The following MCF2L variants were observed in gnomAD, a reference collection of about 807,000 sequenced individuals.
MCF2L encodes guanine nucleotide exchange factor DBS.
In MCF2L, 97 loss-of-function variants were observed where a neutral mutation model predicts 153.4. The observed-to-expected ratio is 0.63, with a 90% CI of 0.54 to 0.75. The LOEUF is 0.75. MCF2L is among the 30% of genes least tolerant of loss of function. The pLI is 0.00. For missense variants in MCF2L, 1,347 were observed against 1,495.2 expected, an observed-to-expected ratio of 0.90 and a Z score of 1.64; for synonymous variants, 659 against 632.2, an observed-to-expected ratio of 1.04 and a Z score of -0.64.
intron 1 of MCF2L, among the ~76,000 whole-genome samples, chr13:113,000,610 G>A (rs1321489768): frequency 4.6e-5 from 7 of 152,208 alleles, no homozygotes; most frequent in Admixed American, 3.3e-4. Context: ...GCGAGGCCAC[G>A]CTTTCCTCTC....
At chr13:113,096,677 C>A (rs1306513093) in intron 29 of MCF2L, 24 bp downstream of exon 29, 1 of 1,568,148 alleles carries the variant, frequency 6.4e-7, no homozygotes, top group Admixed American at 1.8e-5. Flanking sequence ...GCCCCGAGCC[C>A]ACCCGTGACG....
chr13:113,058,090 G>A (rs1211466678), intron 4 of MCF2L, among the ~76,000 whole-genome samples: 4 of 149,858 alleles, frequency 2.7e-5, no homozygotes, highest in Non-Finnish European at 4.4e-5. Flanking sequence ...TTTGGGTGCT[G>A]AGTGTTTGGG....
At chr13:113,042,886 C>G (rs2086590957) in intron 3 of MCF2L, 2 of 152,182 alleles carry the variant, frequency 1.3e-5, no homozygotes, top group Admixed American at 1.3e-4. Context: ...GTAGCGGGGG[C>G]ATTTGTGGGC....
chr13:112,962,948 G>T (rs373828027), intron 2 of MCF2L, among the ~76,000 whole-genome samples: 1 of 152,242 alleles, frequency 6.6e-6, no homozygotes, highest in Admixed American at 6.5e-5. Context: ...CATCTGGCCT[G>T]TCCAGATGCG....
chr13:113,047,128 G>A (rs2086867097), intron 4 of MCF2L: 1 of 155,606 alleles, frequency 6.4e-6, no homozygotes, highest in South Asian at 2.0e-4. Context: ...GATCTCCAGT[G>A]AACTTACTGA....
chr13:113,086,330 C>T (rs563899506), intron 21 of MCF2L, 81 bp downstream of exon 21: 73 of 1,564,442 alleles, frequency 4.7e-5, no homozygotes, highest in South Asian at 9.2e-5. Context: ...TCCCTGCACA[C>T]GCCCCTCGCT....
chr13:112,910,747 C>G (rs985185600), intron 2 of MCF2L: 1 of 152,384 alleles, frequency 6.6e-6, no homozygotes, highest in East Asian at 1.9e-4. Flanking sequence ...GGCTTCCTGC[C>G]CCCCGGTCCC....
In MCF2L at chr13:113,084,043, G is replaced by C. The variant is rs893419697; in HGVS notation, c.2037G>C (p.Leu679=). The change falls in exon 18 of 30, where the codon CTG becomes CTC. Residue 679 remains leucine (L), a synonymous_variant. Coordinates refer to ENST00000535094, the MANE Select transcript of MCF2L (RefSeq NM_001112732.3). ...AAAACTACACTGACTGCCCAGAACT[G>C]GTTGGAAGATGCTTTCTGGAGAGGG... is the stretch of plus-strand genomic sequence containing the variant. The part of the protein sequence containing the change: ...ELENYTDCPE[L]VGRCFLERME... 4 of 1,613,892 alleles carry C rather than the reference G, an allele frequency of 2.5e-6. No homozygotes were observed. In the African/African-American group the frequency reaches 5.3e-5, roughly 22 times the overall value.
intron 3 of MCF2L, among the ~76,000 whole-genome samples, chr13:113,039,150 C>T (rs183611406): frequency 1.3e-3 from 198 of 152,254 alleles, no homozygotes; most frequent in African/African-American, 4.5e-3. Context: ...TGAGCCACCG[C>T]GCCCGGCCAT....
intron 1 of MCF2L, chr13:113,001,992 G>A (rs1050724026): frequency 3.2e-6 from 5 of 1,567,426 alleles, no homozygotes; most frequent in Non-Finnish European, 3.4e-6. Context: ...AGGTGCGTGG[G>A]GCGCGGGCGG....
In MCF2L at chr13:113,096,625, C is replaced by T. The variant is rs573145172; in HGVS notation, c.3264C>T (p.Ser1088=). The change falls in exon 29 of 30, where the codon TCC becomes TCT. Residue 1088 remains serine, a synonymous_variant. Coordinates refer to ENST00000535094, the MANE Select transcript of MCF2L (RefSeq NM_001112732.3). The part of the protein sequence containing the change: ...ASSLSVRLGP[S]GSAQCLSSSE... ...GCCTGTCCGTCCGGCTCGGCCCGTC[C>T]GGCTCGGCCCAGTGCCTGAGCAGCT... The T allele has an allele frequency of 1.9e-6, 3 of 1,593,270 alleles. No individual in the cohort carries two copies. In the Admixed American group the frequency reaches 5.1e-5, roughly 27 times the overall value.
chr13:113,034,490 G>A (rs147251999), intron 3 of MCF2L, among the ~76,000 whole-genome samples: 235 of 152,266 alleles, frequency 1.5e-3, no homozygotes, highest in African/African-American at 5.4e-3. Flanking sequence ...TGGGCTGCAC[G>A]ATGGTTATGC....
chr13:113,002,261 C>G (rs1310446069), intron 1 of MCF2L, among the ~76,000 whole-genome samples: 1 of 152,242 alleles, frequency 6.6e-6, no homozygotes, highest in Non-Finnish European at 1.5e-5. Context: ...GTGGGGCCGC[C>G]TCTGCCCTTG....
intron 26 of MCF2L, chr13:113,090,801 G>GAAAC (rs967395551): frequency 4.4e-5 from 43 of 985,432 alleles, no homozygotes; most frequent in South Asian, 1.9e-4. Context: ...CCTGAGACTT[G>GAAAC]AAACAAACAA....
intron 2 of MCF2L, among the ~76,000 whole-genome samples, chr13:112,958,563 A>C (rs887768840): frequency 1.3e-5 from 2 of 152,180 alleles, no homozygotes; most frequent in African/African-American, 4.8e-5. Flanking sequence ...TGACCCACCA[A>C]AGACCAGGCT....
At chr13:113,000,225 T>C (rs1449225817) in intron 1 of MCF2L, among the ~76,000 whole-genome samples, 1 of 152,200 alleles carries the variant, frequency 6.6e-6, no homozygotes. Flanking sequence ...CCAAACCTGC[T>C]GTGGCTCAGG....
At position 113,046,379 on chromosome 13, in the gene MCF2L, G is replaced by A; in HGVS notation, c.369+1018G>A. On this transcript the variant is annotated intron_variant, in intron 4 of 29. Coordinates refer to ENST00000535094, the MANE Select transcript of MCF2L (RefSeq NM_001112732.3). This position sits in a 1 kb window ranked among gnomAD's most constrained non-coding sequence, Gnocchi z 4.4. Reference sequence around the variant, plus strand: ...GGACCCTGGGTCCTCAGCTGTGATGGCACAATTGCTCCAAGCATTCCCCAG... The same window carrying A: ...GGACCCTGGGTCCTCAGCTGTGATGACACAATTGCTCCAAGCATTCCCCAG... The A allele has an allele frequency of 2.6e-6, 1 of 386,364 alleles. No homozygotes were observed. The highest frequency in any genetic ancestry group is 5.1e-6 in the Non-Finnish European group (1 of 197,478). 23.9% of individuals were successfully genotyped at this position (386,364 alleles called of 1,614,324 possible).
chr13:113,090,284 T>C, intron 26 of MCF2L: 1 of 1,298,858 alleles, frequency 7.7e-7, no homozygotes, highest in South Asian at 1.4e-5. Context: ...TTCCACCCAA[T>C]CACGTGTTCC....
chr13:112,975,741 C>T (rs2082191847), intron 1 of MCF2L, among the ~76,000 whole-genome samples: 1 of 152,310 alleles, frequency 6.6e-6, no homozygotes, highest in Non-Finnish European at 1.5e-5. Flanking sequence ...GGGGATTTTC[C>T]AGGTAAATGA....
Sources: allele counts gnomAD v4.1 joint callset (sites outside exome capture counted in the v4.1 genomes callset), GRCh38; gene constraint gnomAD v4.1.1; non-coding constraint Gnocchi (gnomAD v3.1); transcripts MANE v1.5; gene names NCBI Gene and HGNC (gene_info 2026-07-23, HGNC 2026-07-21).